ATP8A1: variants seen among roughly 807,000 people sequenced by gnomAD.
ATP8A1 encodes phospholipid-transporting ATPase IA.
Under a neutral mutation model 177.7 loss-of-function variants are expected in ATP8A1, and 90 were observed. The ratio of observed to expected loss-of-function variants is 0.51; its 90% CI spans 0.43 to 0.60. The LOEUF is 0.60. Among genes scored for constraint, ATP8A1 ranks in the 20% least tolerant of loss-of-function variants. ATP8A1 has a pLI of 0.00. For synonymous variants in ATP8A1, 493 were observed against 485.9 expected, an observed-to-expected ratio of 1.01 and a Z score of -0.19; for missense variants, 1,072 against 1,392.8, an observed-to-expected ratio of 0.77 and a Z score of 3.67.
intron 22 of ATP8A1, among the ~76,000 whole-genome samples, chr4:42,513,916 G>A (rs1725260140): frequency 6.6e-6 from 1 of 152,214 alleles, no homozygotes; most frequent in Non-Finnish European, 1.5e-5. Flanking sequence ...GAATTGGGAT[G>A]TGCTGTGGGA....
At position 42,593,354 on chromosome 4, in the gene ATP8A1, A is replaced by AT. The variant is rs1238280916; in HGVS notation, c.451-2471dup. Reference sequence around the variant, plus strand: ...GGGGTGATTTGAAAACATCTATATTATTTTTTCTGAAAACAAAAACCTATA... The same window carrying AT: ...GGGGTGATTTGAAAACATCTATATTATTTTTTTCTGAAAACAAAAACCTATA... On this transcript the variant is annotated intron_variant, in intron 6 of 36. Transcript: ENST00000381668. Among the ~76,000 whole-genome samples, 6 of 152,026 alleles carry AT rather than the reference A, an allele frequency of 3.9e-5. No homozygotes were observed. The East Asian group carries it at 1.2e-3, about 29-fold the overall frequency.
chr4:42,543,849 G>T, intron 20 of ATP8A1, 68 bp downstream of exon 20: 2 of 1,145,134 alleles, frequency 1.7e-6, no homozygotes, highest in Non-Finnish European at 2.5e-6. Flanking sequence ...CATTTCCATA[G>T]AATGCCTAAC....
chr4:42,494,209 A>G (rs1723025373), intron 24 of ATP8A1, among the ~76,000 whole-genome samples: 1 of 138,752 alleles, frequency 7.2e-6, no homozygotes, highest in South Asian at 2.4e-4. Context: ...TTGGTGGCTC[A>G]TGTCTGTAAT....
chr4:42,605,217 G>C (rs1386508953), intron 5 of ATP8A1, among the ~76,000 whole-genome samples: 1 of 152,128 alleles, frequency 6.6e-6, no homozygotes, highest in African/African-American at 2.4e-5. Context: ...AGATGCCAAT[G>C]AACTATTTTA....
chr4:42,531,968 G>T (rs1033870650), intron 20 of ATP8A1, among the ~76,000 whole-genome samples: 2 of 151,982 alleles, frequency 1.3e-5, no homozygotes, highest in African/African-American at 4.8e-5. Context: ...CAGGTGTGGT[G>T]GTGCGTGCTT....
chr4:42,452,918 C>A (rs1718085861), intron 29 of ATP8A1, among the ~76,000 whole-genome samples: 1 of 152,178 alleles, frequency 6.6e-6, no homozygotes, highest in African/African-American at 2.4e-5. Context: ...AAGTTGCCTG[C>A]CTCCCAAAAT....
rs192849796 is a variant in ATP8A1, at chr4:42,545,455, A to C, written c.1653-1469T>G. Among the ~76,000 whole-genome samples the C allele has an allele frequency of 3.9e-5, 6 of 152,318 alleles. No individual in the cohort carries two copies. In the East Asian group the frequency reaches 1.2e-3, roughly 29 times the overall value. On this transcript the variant is annotated intron_variant, in intron 19 of 36. Transcript: ENST00000381668. ...TTTTGTGTTACATCAAAGTAGGTAG[A>C]TGTTGCTGAAGAAAAGTTACCCGGC...
At chr4:42,452,760 T>C (rs1343576266) in intron 29 of ATP8A1, among the ~76,000 whole-genome samples, 6 of 152,190 alleles carry the variant, frequency 3.9e-5, no homozygotes, top group Admixed American at 3.9e-4. Context: ...ATGTGAAAGA[T>C]TAAGTTATAG....
At chr4:42,613,343 C>T (rs1414886776) in intron 5 of ATP8A1, among the ~76,000 whole-genome samples, 3 of 151,004 alleles carry the variant, frequency 2.0e-5, no homozygotes, top group Admixed American at 1.3e-4. Flanking sequence ...TACAGTCCCC[C>T]CTCAATATCC....
intron 36 of ATP8A1, 139 bp downstream of exon 36, chr4:42,414,485 GTTA>G (rs1560298417): frequency 9.2e-6 from 6 of 652,344 alleles, no homozygotes. Context: ...TGGATTTTCT[GTTA>G]TTTACAGGTT....
At chr4:42,591,613 A>T (rs566337386) in intron 6 of ATP8A1, among the ~76,000 whole-genome samples, 3 of 152,242 alleles carry the variant, frequency 2.0e-5, no homozygotes, top group African/African-American at 7.2e-5. Context: ...AGAGGGTATG[A>T]AATAGACATG....
intron 35 of ATP8A1, among the ~76,000 whole-genome samples, chr4:42,420,293 A>C (rs991281474): frequency 1.3e-5 from 2 of 152,222 alleles, no homozygotes; most frequent in Middle Eastern, 3.2e-3. Context: ...CGGCAGTGGC[A>C]ACATGGAGCA....
At chr4:42,626,958 G>A (rs1469956984) in intron 2 of ATP8A1, 37 bp downstream of exon 2, 1 of 1,496,490 alleles carries the variant, frequency 6.7e-7, no homozygotes, top group South Asian at 1.1e-5. Flanking sequence ...GCTCTGCTCT[G>A]CTGGCTGGTC....
At chr4:42,646,588 C>T (rs917231293) in intron 1 of ATP8A1, among the ~76,000 whole-genome samples, 1 of 152,156 alleles carries the variant, frequency 6.6e-6, no homozygotes, top group South Asian at 2.1e-4. Context: ...CTCAACCCTG[C>T]ATACCATTGT....
intron 33 of ATP8A1, among the ~76,000 whole-genome samples, chr4:42,425,801 G>T (rs1363460396): frequency 6.6e-6 from 1 of 152,136 alleles, no homozygotes; most frequent in Non-Finnish European, 1.5e-5. Flanking sequence ...TTCTCCTAAT[G>T]TGGGAGACTG....
chr4:42,603,982 C>T (rs1226674162), intron 5 of ATP8A1, among the ~76,000 whole-genome samples: 2 of 152,204 alleles, frequency 1.3e-5, no homozygotes, highest in African/African-American at 4.8e-5. Flanking sequence ...AAAACATCTA[C>T]AAGGCCTTTT....
chr4:42,610,716 T>C (rs1736282361), intron 5 of ATP8A1, among the ~76,000 whole-genome samples: 1 of 152,272 alleles, frequency 6.6e-6, no homozygotes, highest in East Asian at 1.9e-4. Context: ...AATACTCAGA[T>C]CTTTGTGACA....
chr4:42,505,134 C>T (rs563659217), intron 23 of ATP8A1, among the ~76,000 whole-genome samples: 9 of 152,262 alleles, frequency 5.9e-5, no homozygotes, highest in African/African-American at 2.2e-4. Context: ...CTTTACTGTG[C>T]GTTTCTCTGA....
At chr4:42,469,470 C>T (rs1271658181) in intron 25 of ATP8A1, among the ~76,000 whole-genome samples, 1 of 152,170 alleles carries the variant, frequency 6.6e-6, no homozygotes, top group Non-Finnish European at 1.5e-5. Context: ...AAAAGATCCA[C>T]TATTTTTATA....
Sources: gnomAD v4.1 joint callset for allele counts (sites outside exome capture counted in the v4.1 genomes callset) on GRCh38, gnomAD v4.1.1 for gene constraint, MANE v1.5 for transcripts, NCBI Gene and HGNC (gene_info 2026-07-23, HGNC 2026-07-21) for gene names.